The following MBNL2 variants were observed in gnomAD, a reference collection of about 807,000 sequenced individuals.
MBNL2 encodes muscleblind like splicing regulator 2, also known as muscleblind-like protein 2.
MBNL2 carries 17 observed loss-of-function variants against 41.9 expected under a neutral mutation model. The observed-to-expected ratio is 0.41, with a 90% CI of 0.28 to 0.61. The LOEUF (loss-of-function observed/expected upper bound fraction) is 0.61, where lower values mean the gene tolerates loss of function less well. Ranked by LOEUF, MBNL2 falls within the 20% of genes least tolerant of loss-of-function variation. The pLI, the probability that MBNL2 is intolerant of heterozygous loss-of-function variation, is 0.35. For missense variants in MBNL2, 336 were observed against 505.6 expected (o/e 0.66, Z 3.22); for synonymous variants, 195 against 182.9 (o/e 1.07, Z -0.53).
rs763407208 is a variant in MBNL2, at chr13:97,291,900, C to CAA, written c.174+15507_174+15508dup. ...ACAGAGCGAGACTCCGTCTCCGTCT[C>CAA]AAAAAAAAAAAAAAAAAGTGGGCTG... On this transcript the variant is annotated intron_variant, in intron 2 of 8. Coordinates refer to ENST00000679496, the MANE Select transcript of MBNL2 (RefSeq NM_001382683.1). Among the ~76,000 whole-genome samples the CAA allele has an allele frequency of 4.8e-4, 18 of 37,818 alleles. 2 individuals carry two copies. The highest frequency in any genetic ancestry group is 3.0e-3 in the East Asian group (2 of 668). 24.8% of individuals were successfully genotyped at this position (37,818 alleles called of 152,430 possible).
intron 8 of MBNL2, among the ~76,000 whole-genome samples, chr13:97,381,139 A>AC (rs1446764620): frequency 8.1e-5 from 12 of 148,404 alleles, no homozygotes; most frequent in Non-Finnish European, 1.5e-4. Context: ...CACACACACC[A>AC]CACACAGGCA....
intron 2 of MBNL2, among the ~76,000 whole-genome samples, chr13:97,332,311 G>A (rs1463854603): frequency 2.6e-5 from 4 of 152,154 alleles, no homozygotes; most frequent in Non-Finnish European, 4.4e-5. Flanking sequence ...GCTATGTTTT[G>A]ATCCTCATGG....
chr13:97,169,175 C>T, the MBNL2 span, among the ~76,000 whole-genome samples: 1 of 152,146 alleles, frequency 6.6e-6, no homozygotes, highest in Non-Finnish European at 1.5e-5. Context: ...TTGATGTATC[C>T]AAGTCAGATT....
upstream of MBNL2, among the ~76,000 whole-genome samples, chr13:97,217,480 G>A (rs2040478954): frequency 6.6e-6 from 1 of 152,182 alleles, no homozygotes; most frequent in Non-Finnish European, 1.5e-5. Context: ...GGTCAAAGAA[G>A]GCTTCCTGGA....
chr13:97,145,482 G>T, the MBNL2 span, among the ~76,000 whole-genome samples: 1 of 152,198 alleles, frequency 6.6e-6, no homozygotes, highest in Non-Finnish European at 1.5e-5. Flanking sequence ...CAAGGAAAAA[G>T]AACCTAGGTG....
chr13:97,211,529 A>G, the MBNL2 span, among the ~76,000 whole-genome samples: 6 of 152,244 alleles, frequency 3.9e-5, no homozygotes, highest in African/African-American at 1.4e-4. Flanking sequence ...TTTTTCATTA[A>G]GCCTTCTAAA....
intron 7 of MBNL2, among the ~76,000 whole-genome samples, chr13:97,357,938 C>G (rs1413495604): frequency 6.6e-6 from 1 of 152,074 alleles, no homozygotes; most frequent in Non-Finnish European, 1.5e-5. Context: ...GTAAATAAGA[C>G]CTTTTATGTG....
chr13:97,320,611 G>A (rs2059420993), intron 2 of MBNL2, among the ~76,000 whole-genome samples: 1 of 151,998 alleles, frequency 6.6e-6, no homozygotes, highest in Non-Finnish European at 1.5e-5. Flanking sequence ...GCCATTCCTT[G>A]GCTTAAAGAT....
the MBNL2 span, among the ~76,000 whole-genome samples, chr13:97,168,019 G>A: frequency 6.6e-6 from 1 of 152,244 alleles, no homozygotes; most frequent in South Asian, 2.1e-4. Context: ...AGGCTGGAGT[G>A]CAATGGCACA....
chr13:97,258,800 T>C (rs574408877), intron 1 of MBNL2, among the ~76,000 whole-genome samples: 1 of 152,320 alleles, frequency 6.6e-6, no homozygotes, highest in South Asian at 2.1e-4. Context: ...ATCTCCGGCA[T>C]AGGATCAATA....
intron 5 of MBNL2, among the ~76,000 whole-genome samples, chr13:97,349,029 C>T (rs1351674894): frequency 6.6e-6 from 1 of 152,198 alleles, no homozygotes; most frequent in East Asian, 1.9e-4. Context: ...TGAGCACTGG[C>T]CTCGTCATCT....
At chr13:97,154,260 C>A in the MBNL2 span, among the ~76,000 whole-genome samples, 2 of 152,082 alleles carry the variant, frequency 1.3e-5, no homozygotes, top group Non-Finnish European at 2.9e-5. Flanking sequence ...TTAAATAAGG[C>A]TTTTAGCTTT....
rs970218540 is a variant in MBNL2 at position 97,356,832 on chromosome 13, G to A, written c.841G>A (p.Glu281Lys). ...TGCCAAAGCAATGAAGCGACCTCTC[G>A]AAGCAACTGTAGACCTGGTACTTTG... ...STAKAMKRPL[E>K]ATVDLAFPPG... The change falls in exon 6 of 9, where the codon GAA (glutamate) becomes AAA (lysine). Residue 281 changes from glutamate to lysine, a missense_variant. By Grantham distance (56) the Glu-to-Lys change is moderately conservative. Coordinates refer to ENST00000679496, the MANE Select transcript of MBNL2 (RefSeq NM_001382683.1). 1.5e-6 allele frequency: 2 copies of A among 1,362,432 alleles called. No individual in the cohort carries two copies. The highest frequency in any genetic ancestry group is 2.0e-6 in the Non-Finnish European group (2 of 1,017,758). 84.4% of individuals were successfully genotyped at this position (1,362,432 alleles called of 1,614,324 possible). A position where few individuals can be genotyped will look rare whatever the true frequency, so the allele number is the denominator to read the frequency against.
chr13:97,387,664 T>C (rs1290495758), intron 8 of MBNL2, among the ~76,000 whole-genome samples: 2 of 152,186 alleles, frequency 1.3e-5, no homozygotes, highest in African/African-American at 2.4e-5. Context: ...CCTTCACCAA[T>C]GAGCAGAGTG....
chr13:97,150,081 A>G, the MBNL2 span, among the ~76,000 whole-genome samples: 1 of 152,310 alleles, frequency 6.6e-6, no homozygotes, highest in South Asian at 2.1e-4. Context: ...CCAATCTCGT[A>G]ACTAAAAATG....
At chr13:97,315,374 A>G (rs1026623342) in intron 2 of MBNL2, among the ~76,000 whole-genome samples, 5 of 152,156 alleles carry the variant, frequency 3.3e-5, no homozygotes, top group African/African-American at 1.2e-4. Context: ...GCTCTCTTCC[A>G]GGCACCGGGC....
chr13:97,199,690 A>C, the MBNL2 span, among the ~76,000 whole-genome samples: 2 of 152,222 alleles, frequency 1.3e-5, no homozygotes, highest in Admixed American at 1.3e-4. Flanking sequence ...CTGACAGCGC[A>C]GTGGCTAAAA....
the MBNL2 span, among the ~76,000 whole-genome samples, chr13:97,172,265 G>A: frequency 6.6e-6 from 1 of 152,174 alleles, no homozygotes. Flanking sequence ...CTTGTTCCGG[G>A]GCTGTCTTCC....
chr13:97,393,619 T>A lies in MBNL2; in HGVS notation c.*2170T>A, dbSNP rs533119607. ...AGGAGGCAAGGCAAATGCATAGATGTACAAATATATGTACAACAGATTTTG... is the reference window on the plus strand; with the variant it reads ...AGGAGGCAAGGCAAATGCATAGATGAACAAATATATGTACAACAGATTTTG... On this transcript the variant is annotated 3_prime_UTR_variant, in exon 9 of 9. Coordinates refer to ENST00000679496, the MANE Select transcript of MBNL2 (RefSeq NM_001382683.1). The A allele has an allele frequency of 6.5e-6, 1 of 152,682 alleles. No homozygotes were observed. The allele number at this position is 152,682 out of a possible 1,614,324, so 9.5% of individuals were successfully genotyped here. A position where few individuals can be genotyped will look rare whatever the true frequency, so the allele number is the denominator to read the frequency against.
Sources: allele counts gnomAD v4.1 joint callset (sites outside exome capture counted in the v4.1 genomes callset), GRCh38; gene constraint gnomAD v4.1.1; transcripts MANE v1.5; gene names NCBI Gene and HGNC (gene_info 2026-07-23, HGNC 2026-07-21).